Variants in PLXDC2 observed in about 807,000 individuals in gnomAD.
The protein encoded by PLXDC2 is plexin domain-containing protein 2.
Under a neutral mutation model 68.9 loss-of-function variants are expected in PLXDC2, and 40 were observed. That is an observed-to-expected ratio of 0.58 (90% CI 0.45 to 0.76). The LOEUF (loss-of-function observed/expected upper bound fraction) is 0.76, where lower values mean the gene tolerates loss of function less well. PLXDC2 is among the 30% of genes least tolerant of loss of function. The pLI is 0.00. For missense variants in PLXDC2, 644 were observed against 661.9 expected, an observed-to-expected ratio of 0.97 and a Z score of 0.30; for synonymous variants, 243 against 234.2, an observed-to-expected ratio of 1.04 and a Z score of -0.34.
At chr10:20,112,543 G>C (rs544736526) in intron 4 of PLXDC2, among the ~76,000 whole-genome samples, 12 of 152,126 alleles carry the variant, frequency 7.9e-5, no homozygotes, top group Non-Finnish European at 1.5e-4. Flanking sequence ...GGCATATTTA[G>C]TGACCTTTTT....
At chr10:20,106,126 A>C (rs751639929) in intron 4 of PLXDC2, among the ~76,000 whole-genome samples, 1 of 152,228 alleles carries the variant, frequency 6.6e-6, no homozygotes, top group Non-Finnish European at 1.5e-5. Flanking sequence ...TGTTAACCAC[A>C]TTCATTTCCA....
intron 9 of PLXDC2, among the ~76,000 whole-genome samples, chr10:20,186,115 A>T (rs1161260909): frequency 6.6e-6 from 1 of 151,976 alleles, no homozygotes; most frequent in African/African-American, 2.4e-5. Context: ...ATCTACTTCT[A>T]ATTTGGACAA....
chr10:20,210,401 C>T (rs549982635), intron 9 of PLXDC2, among the ~76,000 whole-genome samples: 21 of 152,134 alleles, frequency 1.4e-4, no homozygotes, highest in East Asian at 1.2e-3. Context: ...CTAAAAGGAG[C>T]GACTATGGTA....
intron 6 of PLXDC2, among the ~76,000 whole-genome samples, chr10:20,159,337 T>C (rs1834260415): frequency 6.6e-6 from 1 of 152,190 alleles, no homozygotes; most frequent in Non-Finnish European, 1.5e-5. Context: ...TGTGGTATCC[T>C]TTACTCTGCT....
intron 7 of PLXDC2, among the ~76,000 whole-genome samples, chr10:20,167,619 G>T (rs889421321): frequency 6.6e-6 from 1 of 152,098 alleles, no homozygotes; most frequent in African/African-American, 2.4e-5. Context: ...GTAGTGAGTA[G>T]TTTCATTTCT....
intron 1 of PLXDC2, among the ~76,000 whole-genome samples, chr10:19,873,485 A>C (rs1024664224): frequency 6.9e-6 from 1 of 144,922 alleles, no homozygotes; most frequent in African/African-American, 2.6e-5. Context: ...ATCATGGCTC[A>C]ATGCAGCCTC....
At chr10:19,927,713 C>CAAAAAAAAAAAAAAAAAAAAAAA (rs35250324) in intron 1 of PLXDC2, among the ~76,000 whole-genome samples, 4 of 53,142 alleles carry the variant, frequency 7.5e-5, no homozygotes, top group Admixed American at 3.4e-4. Context: ...GGAAAAAAAG[C>CAAAAAAAAAAAAAAAAAAAAAAA]AAAAAAAAAA....
rs556237563 is a variant in PLXDC2 at position 19,989,351 on chromosome 10, G to A, written c.113-12424G>A. ...ACTCATAAATTTTTTCTGAGCAAAT[G>A]ATTGCAGTTGTTCACAAAAATATAG... On this transcript the variant is annotated intron_variant, in intron 1 of 13. Coordinates refer to ENST00000377252, the MANE Select transcript of PLXDC2 (RefSeq NM_032812.9). 1.5e-3 allele frequency among the ~76,000 whole-genome samples: 228 copies of A among 152,234 alleles called. 1 individual carries two copies. Among genetic ancestry groups the A allele is most frequent in the South Asian group, 0.014 (69 of 4,828 alleles).
At chr10:20,194,598 AT>A (rs1279013438) in intron 9 of PLXDC2, among the ~76,000 whole-genome samples, 2 of 151,912 alleles carry the variant, frequency 1.3e-5, no homozygotes, top group Non-Finnish European at 2.9e-5. Context: ...GTAAAAGTCA[AT>A]TTCATTAAAG....
chr10:20,171,170 T>G (rs1834441466), intron 7 of PLXDC2, among the ~76,000 whole-genome samples: 1 of 151,916 alleles, frequency 6.6e-6, no homozygotes, highest in South Asian at 2.1e-4. Context: ...AAACTTGAAC[T>G]TTTTTTTATT....
chr10:20,031,758 C>G (rs1357347704), intron 2 of PLXDC2, among the ~76,000 whole-genome samples: 2 of 152,016 alleles, frequency 1.3e-5, no homozygotes, highest in African/African-American at 4.8e-5. Flanking sequence ...AGGCAAAGTT[C>G]TAATCACTAT....
At chr10:20,202,059 A>T (rs538442388) in intron 9 of PLXDC2, among the ~76,000 whole-genome samples, 92 of 152,166 alleles carry the variant, frequency 6.0e-4, no homozygotes, top group Admixed American at 3.1e-3. Flanking sequence ...TATTTATTGG[A>T]CAATATTTTT....
chr10:19,913,414 CT>C (rs1833309679), intron 1 of PLXDC2, among the ~76,000 whole-genome samples: 2 of 152,146 alleles, frequency 1.3e-5, no homozygotes, highest in African/African-American at 4.8e-5. Flanking sequence ...AATTAAACCT[CT>C]TTTCTTTATA....
intron 9 of PLXDC2, among the ~76,000 whole-genome samples, chr10:20,195,759 G>A (rs530140361): frequency 7.2e-5 from 11 of 152,122 alleles, no homozygotes; most frequent in Non-Finnish European, 1.5e-5. Context: ...GTCCAAATTT[G>A]CTATCTTGGC....
intron 1 of PLXDC2, among the ~76,000 whole-genome samples, chr10:19,899,725 A>T (rs1838126195): frequency 6.6e-6 from 1 of 152,156 alleles, no homozygotes; most frequent in South Asian, 2.1e-4. Context: ...ATATGAAAAG[A>T]TGATAGGATA....
At chr10:20,268,234 G>A (rs1165387305) in intron 13 of PLXDC2, among the ~76,000 whole-genome samples, 3 of 151,932 alleles carry the variant, frequency 2.0e-5, no homozygotes, top group Non-Finnish European at 2.9e-5. Context: ...GATTTGACAC[G>A]TGACAGTATG....
At chr10:19,837,421 T>A (rs1362237688) in intron 1 of PLXDC2, among the ~76,000 whole-genome samples, 9 of 148,808 alleles carry the variant, frequency 6.0e-5, no homozygotes, top group African/African-American at 2.3e-4. Flanking sequence ...TGTGTGTGTG[T>A]GTGTGTGTGT....
At chr10:20,042,997 T>C (rs1185475877) in intron 2 of PLXDC2, among the ~76,000 whole-genome samples, 2 of 152,234 alleles carry the variant, frequency 1.3e-5, no homozygotes, top group African/African-American at 4.8e-5. Flanking sequence ...AGAAATGCTT[T>C]ACTTTTGAAA....
At chr10:20,157,236 T>C (rs1834229207) in intron 6 of PLXDC2, among the ~76,000 whole-genome samples, 1 of 152,216 alleles carries the variant, frequency 6.6e-6, no homozygotes, top group Admixed American at 6.5e-5. Flanking sequence ...GATTTTGTTG[T>C]TGCTGTTGTT....
Sources: allele counts gnomAD v4.1 joint callset (sites outside exome capture counted in the v4.1 genomes callset), GRCh38; gene constraint gnomAD v4.1.1; transcripts MANE v1.5; gene names NCBI Gene and HGNC (gene_info 2026-07-23, HGNC 2026-07-21).